CFAP95: variants seen among roughly 807,000 people sequenced by gnomAD.
CFAP95 encodes cilia and flagella associated protein 95.
the CFAP95 span, chr9:69,857,992 A>C: frequency 6.2e-7 from 1 of 1,606,124 alleles, no homozygotes; most frequent in Non-Finnish European, 8.5e-7. Flanking sequence ...GTAGTCCCTA[A>C]ACTGCTACAA....
At chr9:69,854,909 G>C in the CFAP95 span, among the ~76,000 whole-genome samples, 1 of 152,184 alleles carries the variant, frequency 6.6e-6, no homozygotes, top group East Asian at 1.9e-4. Context: ...ACCCTCACTA[G>C]AGCTGTAGGT....
chr9:69,861,380 G>A, the CFAP95 span, among the ~76,000 whole-genome samples: 9 of 152,276 alleles, frequency 5.9e-5, no homozygotes, highest in East Asian at 1.7e-3. Flanking sequence ...TGAAGAGTGG[G>A]CTGATGCCTG....
the CFAP95 span, among the ~76,000 whole-genome samples, chr9:69,890,465 T>C: frequency 6.6e-6 from 1 of 152,244 alleles, no homozygotes; most frequent in African/African-American, 2.4e-5. Context: ...AATGCTTGCA[T>C]GACATTGTTA....
At chr9:69,858,271 T>A in the CFAP95 span, 6 of 382,074 alleles carry the variant, frequency 1.6e-5, no homozygotes, top group South Asian at 1.6e-4. Context: ...TCTGTCATGG[T>A]CATTTGTGGA....
chr9:69,823,585 T>C, the CFAP95 span, among the ~76,000 whole-genome samples: 1 of 152,178 alleles, frequency 6.6e-6, no homozygotes, highest in Non-Finnish European at 1.5e-5. Context: ...CTTTAACACA[T>C]GGCCTGCCAC....
chr9:69,904,963 C>T, the CFAP95 span, among the ~76,000 whole-genome samples: 7 of 152,062 alleles, frequency 4.6e-5, no homozygotes, highest in Admixed American at 1.3e-4. Flanking sequence ...CTGGCTTAGT[C>T]GCTTATTACT....
chr9:69,839,351 A>G, the CFAP95 span, among the ~76,000 whole-genome samples: 1 of 149,670 alleles, frequency 6.7e-6, no homozygotes, highest in Non-Finnish European at 1.5e-5. Flanking sequence ...TCGGCTGTGA[A>G]TCCATCTGGT....
the CFAP95 span, among the ~76,000 whole-genome samples, chr9:69,871,574 TA>T: frequency 0.014 from 1,824 of 131,594 alleles, 14 homozygotes; most frequent in African/African-American, 0.03. Flanking sequence ...TTAGATCTAG[TA>T]AAAAAAAAAA....
At chr9:69,852,172 T>A in the CFAP95 span, among the ~76,000 whole-genome samples, 1 of 152,088 alleles carries the variant, frequency 6.6e-6, no homozygotes, top group East Asian at 1.9e-4. Context: ...TATATTTTTT[T>A]TTTTTTGGCA....
At chr9:69,848,048 A>C in the CFAP95 span, among the ~76,000 whole-genome samples, 1 of 152,178 alleles carries the variant, frequency 6.6e-6, no homozygotes, top group African/African-American at 2.4e-5. Context: ...AAGAAGCCTC[A>C]AGAGGAGTTT....
chr9:69,853,917 AAAG>A, the CFAP95 span, among the ~76,000 whole-genome samples: 1 of 152,234 alleles, frequency 6.6e-6, no homozygotes, highest in Non-Finnish European at 1.5e-5. Context: ...AAGGAAAACA[AAAG>A]AAGGACTTTC....
chr9:69,871,988 C>T, the CFAP95 span, among the ~76,000 whole-genome samples: 52,778 of 152,090 alleles, frequency 0.35, 9,705 homozygotes, highest in Middle Eastern at 0.56. Context: ...AAGGGCTTTA[C>T]ATGCCATATT....
the CFAP95 span, among the ~76,000 whole-genome samples, chr9:69,890,360 A>T: frequency 2.0e-5 from 3 of 152,082 alleles, no homozygotes; most frequent in Admixed American, 2.0e-4. Context: ...GTTTGCCTTT[A>T]TTTGCAATTT....
the CFAP95 span, among the ~76,000 whole-genome samples, chr9:69,836,382 G>A: frequency 6.6e-6 from 1 of 152,182 alleles, no homozygotes; most frequent in East Asian, 1.9e-4. Flanking sequence ...TAGCAGCATC[G>A]CTGTCCTCTA....
At chr9:69,900,671 G>A in the CFAP95 span, among the ~76,000 whole-genome samples, 2 of 152,158 alleles carry the variant, frequency 1.3e-5, no homozygotes, top group Admixed American at 1.3e-4. Flanking sequence ...CGGCTCTGCA[G>A]CCCCTGTTAG....
the CFAP95 span, among the ~76,000 whole-genome samples, chr9:69,869,022 C>T: frequency 0.85 from 128,636 of 152,108 alleles, 54,457 homozygotes; most frequent in Middle Eastern, 0.9. Context: ...TGTGGAGAAA[C>T]TAGAACCCTT....
chr9:69,887,006 T>G, the CFAP95 span: 2 of 736,842 alleles, frequency 2.7e-6, no homozygotes, highest in Non-Finnish European at 4.5e-6. Context: ...CTTATGATAT[T>G]TTACATTTAT....
chr9:69,857,175 G>T, the CFAP95 span, among the ~76,000 whole-genome samples: 1,397 of 151,680 alleles, frequency 9.2e-3, 23 homozygotes, highest in African/African-American at 0.032. Flanking sequence ...ATTGCTTTTT[G>T]ATTTTTGTTC....
At chr9:69,880,040 A>G in the CFAP95 span, among the ~76,000 whole-genome samples, 1 of 89,352 alleles carries the variant, frequency 1.1e-5, no homozygotes, top group Non-Finnish European at 2.4e-5. Context: ...ATGTATTTAT[A>G]GAATACATGA....
Sources: gnomAD v4.1 joint callset for allele counts (sites outside exome capture counted in the v4.1 genomes callset) on GRCh38, gnomAD v4.1.1 for gene constraint, MANE v1.5 for transcripts, NCBI Gene and HGNC (gene_info 2026-07-23, HGNC 2026-07-21) for gene names.